PRDM5: variants seen among roughly 807,000 people sequenced by gnomAD.
The protein encoded by PRDM5 is PR/SET domain 5, also known as PR domain zinc finger protein 5.
In PRDM5, 56 loss-of-function variants were observed where a neutral mutation model predicts 81.2. The observed-to-expected ratio is 0.69, with a 90% CI of 0.56 to 0.86. The LOEUF (loss-of-function observed/expected upper bound fraction) is 0.86. Ranked by LOEUF, PRDM5 falls within the 40% of genes least tolerant of loss-of-function variation. The pLI is 0.00. For missense variants in PRDM5, 697 were observed against 770.1 expected, an observed-to-expected ratio of 0.91 and a Z score of 1.12; for synonymous variants, 267 against 256.4, an observed-to-expected ratio of 1.04 and a Z score of -0.39.
At chr4:120,727,954 A>AG (rs1268773706) in intron 14 of PRDM5, among the ~76,000 whole-genome samples, 72 of 151,002 alleles carry the variant, frequency 4.8e-4, no homozygotes, top group South Asian at 2.1e-3. Flanking sequence ...AAAAAAAAAA[A>AG]AGAGAGAGAG....
At chr4:120,892,979 G>C (rs1764220321) in intron 2 of PRDM5, among the ~76,000 whole-genome samples, 1 of 152,220 alleles carries the variant, frequency 6.6e-6, no homozygotes, top group Non-Finnish European at 1.5e-5. Context: ...AGGGGGAGTA[G>C]AGCAATCTTA....
chr4:120,769,456 A>G (rs1746910674), intron 13 of PRDM5, among the ~76,000 whole-genome samples: 2 of 152,186 alleles, frequency 1.3e-5, no homozygotes, highest in South Asian at 4.1e-4. Flanking sequence ...AAGCGAAAGA[A>G]GGCCAGTAAG....
intron 15 of PRDM5, among the ~76,000 whole-genome samples, chr4:120,699,882 C>G (rs1282725906): frequency 6.6e-6 from 1 of 151,830 alleles, no homozygotes; most frequent in Non-Finnish European, 1.5e-5. Flanking sequence ...TATCAAATAT[C>G]AAACAACCAA....
At chr4:120,854,364 A>G (rs1462483807) in intron 2 of PRDM5, among the ~76,000 whole-genome samples, 1 of 152,176 alleles carries the variant, frequency 6.6e-6, no homozygotes, top group East Asian at 1.9e-4. Flanking sequence ...TCATGTTTCT[A>G]TTCCATTAGA....
At chr4:120,707,332 CAT>C (rs1736328011) in intron 15 of PRDM5, among the ~76,000 whole-genome samples, 1 of 148,070 alleles carries the variant, frequency 6.8e-6, no homozygotes, top group African/African-American at 2.5e-5. Flanking sequence ...AAAAAAAAAA[CAT>C]AGTCATCTCA....
chr4:120,832,186 C>G (rs190933261), intron 3 of PRDM5, among the ~76,000 whole-genome samples: 9 of 152,244 alleles, frequency 5.9e-5, no homozygotes, highest in Admixed American at 2.0e-4. Context: ...ACTCACAGTT[C>G]TGCATGGCTG....
intron 2 of PRDM5, among the ~76,000 whole-genome samples, chr4:120,861,845 G>C (rs2148501144): frequency 6.6e-6 from 1 of 151,806 alleles, no homozygotes; most frequent in South Asian, 2.1e-4. Context: ...CTTTGTATCT[G>C]AAAACTTCTG....
chr4:120,831,253 C>T (rs1467169223), intron 3 of PRDM5, among the ~76,000 whole-genome samples: 2 of 151,966 alleles, frequency 1.3e-5, no homozygotes, highest in Non-Finnish European at 2.9e-5. Context: ...TTTTAACTGA[C>T]CTCCCCTTAA....
chr4:120,704,719 G>A (rs150553560), intron 15 of PRDM5, among the ~76,000 whole-genome samples: 116 of 152,266 alleles, frequency 7.6e-4, no homozygotes, highest in African/African-American at 2.5e-3. Flanking sequence ...ACAGAGGAGC[G>A]TGCAGTCCAT....
At chr4:120,743,827 A>G (rs1199041640) in intron 14 of PRDM5, among the ~76,000 whole-genome samples, 1 of 145,242 alleles carries the variant, frequency 6.9e-6, no homozygotes, top group African/African-American at 2.6e-5. Flanking sequence ...ACACATTAAT[A>G]ATGGGAGACT....
chr4:120,699,451 C>T (rs1194658751), intron 15 of PRDM5, among the ~76,000 whole-genome samples: 2 of 151,750 alleles, frequency 1.3e-5, no homozygotes, highest in Non-Finnish European at 2.9e-5. Flanking sequence ...CTCTGTTAGC[C>T]CAAGAGACAC....
intron 10 of PRDM5, among the ~76,000 whole-genome samples, chr4:120,787,089 A>C (rs1327952682): frequency 6.6e-6 from 1 of 152,208 alleles, no homozygotes; most frequent in Non-Finnish European, 1.5e-5. Flanking sequence ...AATGTGATGG[A>C]GAAAAATAAA....
At chr4:120,719,839 A>G (rs1738324960) in intron 14 of PRDM5, among the ~76,000 whole-genome samples, 1 of 152,170 alleles carries the variant, frequency 6.6e-6, no homozygotes, top group South Asian at 2.1e-4. Context: ...AGCTGCTTTC[A>G]TGCTATTCTA....
chr4:120,858,565 G>A (rs1760157539), intron 2 of PRDM5, among the ~76,000 whole-genome samples: 1 of 151,242 alleles, frequency 6.6e-6, no homozygotes. Context: ...GTGTGCTTAT[G>A]AACGCGTGCG....
At chr4:120,689,845 G>A (rs913825191), downstream of PRDM5, among the ~76,000 whole-genome samples, 5 of 152,064 alleles carry the variant, frequency 3.3e-5, no homozygotes, top group African/African-American at 1.2e-4. Flanking sequence ...GAACTCCTGG[G>A]CTCAAGTGAT....
At chr4:120,815,729 G>A (rs915452724) in intron 7 of PRDM5, among the ~76,000 whole-genome samples, 2 of 152,128 alleles carry the variant, frequency 1.3e-5, no homozygotes, top group African/African-American at 2.4e-5. Flanking sequence ...AACACACAGG[G>A]TTTCATAAAT....
chr4:120,734,265 T>C (rs1404399262), intron 14 of PRDM5, among the ~76,000 whole-genome samples: 1 of 151,482 alleles, frequency 6.6e-6, no homozygotes, highest in Non-Finnish European at 1.5e-5. Flanking sequence ...GTTTTTTTTT[T>C]AGCAACTGAG....
At chr4:120,804,181 G>C (rs1752557142) in intron 8 of PRDM5, among the ~76,000 whole-genome samples, 1 of 152,216 alleles carries the variant, frequency 6.6e-6, no homozygotes, top group South Asian at 2.1e-4. Flanking sequence ...CCCAATACAG[G>C]AGCACCCAGT....
At chr4:120,707,348 G>C (rs748258877) in intron 15 of PRDM5, among the ~76,000 whole-genome samples, 2 of 151,698 alleles carry the variant, frequency 1.3e-5, no homozygotes, top group South Asian at 4.2e-4. Flanking sequence ...CATCTCAATT[G>C]ATGCAGAAAA....
Sources: allele counts gnomAD v4.1 joint callset (sites outside exome capture counted in the v4.1 genomes callset), GRCh38; gene constraint gnomAD v4.1.1; transcripts MANE v1.5; gene names NCBI Gene and HGNC (gene_info 2026-07-23, HGNC 2026-07-21).